The following MAPK10 variants were observed in gnomAD, a reference collection of about 807,000 sequenced individuals.
The protein encoded by MAPK10 is mitogen-activated protein kinase 10.
A neutral mutation model predicts 59.3 loss-of-function variants in MAPK10; 25 were observed. That is an observed-to-expected ratio of 0.42 (90% confidence interval 0.31 to 0.59). The LOEUF is 0.59. MAPK10 is among the 20% of genes least tolerant of loss of function. MAPK10 has a pLI of 0.15. For missense variants in MAPK10, 351 were observed against 568.9 expected (o/e 0.62, Z 3.90); for synonymous variants, 190 against 200.5 (o/e 0.95, Z 0.44).
chr4:86,131,997 A>T (rs2061087078), intron 4 of MAPK10, among the ~76,000 whole-genome samples: 1 of 152,226 alleles, frequency 6.6e-6, no homozygotes, highest in African/African-American at 2.4e-5. Flanking sequence ...TTCTGCTTCT[A>T]GTCAGTAGAC....
chr4:86,315,823 C>T (rs2095773811), intron 2 of MAPK10, among the ~76,000 whole-genome samples: 1 of 152,026 alleles, frequency 6.6e-6, no homozygotes, highest in Non-Finnish European at 1.5e-5. Context: ...ATACAGAAGT[C>T]ACTCAACTTC....
At chr4:86,108,745 A>G (rs565552066) in intron 4 of MAPK10, among the ~76,000 whole-genome samples, 4 of 152,308 alleles carry the variant, frequency 2.6e-5, no homozygotes, top group Non-Finnish European at 4.4e-5. Context: ...TGCAGTTTCC[A>G]CTGACGACTG....
At chr4:86,179,830 T>G (rs1241136195) in intron 3 of MAPK10, among the ~76,000 whole-genome samples, 1 of 151,936 alleles carries the variant, frequency 6.6e-6, no homozygotes, top group African/African-American at 2.4e-5. Flanking sequence ...ATAAACAAAA[T>G]ACAACTCAAG....
At chr4:86,398,226 CAA>C (rs61450319) in intron 1 of MAPK10, among the ~76,000 whole-genome samples, 12 of 142,694 alleles carry the variant, frequency 8.4e-5, no homozygotes, top group African/African-American at 1.3e-4. Context: ...AACAAACAAA[CAA>C]AAAAAAAAAG....
At chr4:86,574,942 G>A (rs1400000395) in intron 1 of MAPK10, among the ~76,000 whole-genome samples, 1 of 152,140 alleles carries the variant, frequency 6.6e-6, no homozygotes, top group Non-Finnish European at 1.5e-5. Context: ...GTGCCAAAGT[G>A]TGCACAAATT....
rs148718825 is a variant in MAPK10 at position 86,543,583 on chromosome 4, A to G, written c.-263+50327T>C. Among the ~76,000 whole-genome samples the G allele has an allele frequency of 1.5e-3, 223 of 152,338 alleles. 2 individuals are homozygous for G. The highest frequency in any genetic ancestry group is 5.1e-3 in the African/African-American group (210 of 41,580). On this transcript the variant is annotated intron_variant, in intron 1 of 4. Coordinates refer to the MAPK10 transcript ENST00000502302. ...TATCTTTATTTCTAACCTAAGAGAA[A>G]AAGTAGAATGGAACAGACTGGGTAA...
chr4:86,158,093 C>A (rs2068391238), intron 4 of MAPK10, among the ~76,000 whole-genome samples: 1 of 151,980 alleles, frequency 6.6e-6, no homozygotes, highest in East Asian at 1.9e-4. Context: ...AGAATCTTTA[C>A]TATACCATGT....
rs1742614323 is a variant in MAPK10, at chr4:86,014,699, G to A, written c.*2529C>T. 1 of 152,246 alleles carries A rather than the reference G, an allele frequency of 6.6e-6. No homozygotes were observed. The highest frequency in any genetic ancestry group is 2.4e-5 in the African/African-American group (1 of 41,452). The allele number at this position is 152,246 out of a possible 1,614,324, so 9.4% of individuals were successfully genotyped here. A position where few individuals can be genotyped will look rare whatever the true frequency, so the allele number is the denominator to read the frequency against. ...ATTGAGCTTTGGGAAGGTACTAACA[G>A]CGGGGGAGGGGCCCTGTCTAGTTCT... On this transcript the variant is annotated 3_prime_UTR_variant, in exon 14 of 14. Coordinates refer to ENST00000641462, the MANE Select transcript of MAPK10 (RefSeq NM_138982.4).
At chr4:86,354,790 C>G (rs1315550570) in intron 1 of MAPK10, 146 bp from the exon 2 acceptor site, 1 of 388,754 alleles carries the variant, frequency 2.6e-6, no homozygotes, top group African/African-American at 2.1e-5. Context: ...GTAATTATCT[C>G]TATTCATCAT....
intron 10 of MAPK10, chr4:86,065,628 T>C (rs951544530): frequency 6.6e-6 from 1 of 152,222 alleles, no homozygotes; most frequent in African/African-American, 2.4e-5. Context: ...AGTGGTTTGC[T>C]GCACCCACCA....
At chr4:86,256,502 A>G (rs1334640319) in intron 2 of MAPK10, among the ~76,000 whole-genome samples, 1 of 152,112 alleles carries the variant, frequency 6.6e-6, no homozygotes, top group African/African-American at 2.4e-5. Context: ...TTAAAATTAG[A>G]GAAAAAAAAT....
intron 1 of MAPK10, among the ~76,000 whole-genome samples, chr4:86,477,493 C>T (rs890003516): frequency 1.3e-5 from 2 of 152,038 alleles, no homozygotes; most frequent in Non-Finnish European, 2.9e-5. Context: ...TATAAGATAC[C>T]TCTACTCTCT....
rs140779744 is a variant in MAPK10 at position 86,272,277 on chromosome 4, T to A, written c.-6-77870A>T. On this transcript the variant is annotated intron_variant, in intron 2 of 13. Transcript: ENST00000641462. ...TGTGTACCTTCTCCCAGCATGTGGC[T>A]TGCCTTTGCATCTTTCCAGCACTAT... Among the ~76,000 whole-genome samples, 249 of 152,240 alleles carry A rather than the reference T, an allele frequency of 1.6e-3. 1 individual carries two copies. The highest frequency in any genetic ancestry group is 5.8e-3 in the African/African-American group (241 of 41,582).
intron 1 of MAPK10, among the ~76,000 whole-genome samples, chr4:86,401,385 T>C (rs1743702459): frequency 1.3e-5 from 2 of 152,222 alleles, no homozygotes; most frequent in Admixed American, 6.5e-5. Context: ...TTTTGCTGAT[T>C]TGCACTTTAG....
At chr4:86,049,084 A>T (rs531164682) in intron 11 of MAPK10, among the ~76,000 whole-genome samples, 3 of 152,232 alleles carry the variant, frequency 2.0e-5, no homozygotes, top group South Asian at 4.1e-4. Context: ...GATGTTTATC[A>T]GAAAGAAAGT....
chr4:86,413,207 G>A (rs762925004), intron 1 of MAPK10, among the ~76,000 whole-genome samples: 16 of 152,124 alleles, frequency 1.1e-4, no homozygotes, highest in Non-Finnish European at 2.1e-4. Flanking sequence ...CACTCCAGAC[G>A]CTGTTTGCCT....
At chr4:86,089,478 C>A in intron 9 of MAPK10, 2 of 468,870 alleles carry the variant, frequency 4.3e-6, no homozygotes, top group Non-Finnish European at 7.4e-6. Flanking sequence ...TGTCATATAA[C>A]AGAAATAACA....
At chr4:86,212,220 C>T (rs1276309485) in intron 2 of MAPK10, among the ~76,000 whole-genome samples, 2 of 151,912 alleles carry the variant, frequency 1.3e-5, no homozygotes, top group Non-Finnish European at 2.9e-5. Context: ...GATCCAAAGA[C>T]AGAAATAGAC....
rs563498677 is a variant in MAPK10 at position 86,013,753 on chromosome 4, C to G, written c.*3475G>C. 1 of 152,104 alleles carries G rather than the reference C, an allele frequency of 6.6e-6. No individual in the cohort carries two copies. Among genetic ancestry groups the G allele is most frequent in the African/African-American group, 2.4e-5 (1 of 41,428 alleles). The allele number at this position is 152,104 out of a possible 1,614,324, so 9.4% of individuals were successfully genotyped here. A position where few individuals can be genotyped will look rare whatever the true frequency, so the allele number is the denominator to read the frequency against. Reference sequence around the variant, plus strand: ...TCTGATAACAGATTGAAAAAACTATCGAGCTTCTTAACCCTCAATTAAATA... The same window carrying G: ...TCTGATAACAGATTGAAAAAACTATGGAGCTTCTTAACCCTCAATTAAATA... On this transcript the variant is annotated 3_prime_UTR_variant, in exon 14 of 14. Transcript: ENST00000641462.
Sources: allele counts gnomAD v4.1 joint callset (sites outside exome capture counted in the v4.1 genomes callset), GRCh38; gene constraint gnomAD v4.1.1; transcripts MANE v1.5; gene names NCBI Gene and HGNC (gene_info 2026-07-23, HGNC 2026-07-21).